TOM1L2: variants seen among roughly 807,000 people sequenced by gnomAD.
The protein encoded by TOM1L2 is target of myb1 like 2 membrane trafficking protein.
A neutral mutation model predicts 67.9 loss-of-function variants in TOM1L2; 31 were observed. The ratio of observed to expected loss-of-function variants is 0.46; its 90% CI spans 0.34 to 0.62. The LOEUF is 0.62. Among genes scored for constraint, TOM1L2 ranks in the 20% least tolerant of loss-of-function variants. The probability of loss-of-function intolerance (pLI) is 0.01; values close to 1 mark genes in which losing one functional copy is unlikely to be tolerated. For synonymous variants in TOM1L2, 256 were observed against 254.0 expected (o/e 1.01, Z -0.07); for missense variants, 606 against 663.5 (o/e 0.91, Z 0.95).
Position 17,850,892 on chromosome 17 carries a change from C to T in TOM1L2, c.1338+1G>A. The T allele has an allele frequency of 1.9e-6, 3 of 1,614,072 alleles. No homozygotes were observed. The highest frequency in any genetic ancestry group is 2.5e-6 in the Non-Finnish European group (3 of 1,179,994). ...GATGAAATAGAAAAGTCGAGTCTCA[C>T]CAGGTCGGTCCTGAGCCACACCTCA... On this transcript the variant is annotated splice_donor_variant, in intron 13 of 14. Transcript: ENST00000379504. LOFTEE classifies it high-confidence loss of function.
chr17:17,933,883 A>G lies in TOM1L2; in HGVS notation c.53-26352T>C, dbSNP rs1313466897. Among the ~76,000 whole-genome samples, 13 of 152,260 alleles carry G rather than the reference A, an allele frequency of 8.5e-5. No homozygotes were observed. The South Asian group carries it at 2.5e-3, about 29-fold the overall frequency. ...TCAAAAGATGATGATCTGCCACCCT[A>G]GACAATATTTAAAGAATGTGACTTG... On this transcript the variant is annotated intron_variant, in intron 1 of 14. Coordinates refer to ENST00000379504, the MANE Select transcript of TOM1L2 (RefSeq NM_001082968.2).
intron 7 of TOM1L2, among the ~76,000 whole-genome samples, chr17:17,879,266 C>CA (rs1171795863): frequency 6.6e-6 from 1 of 152,110 alleles, no homozygotes; most frequent in African/African-American, 2.4e-5. Context: ...AATAAACCTA[C>CA]AAAAAAGTCA....
rs745605701 is a variant in TOM1L2, at chr17:17,869,349, C to A, written c.902G>T (p.Arg301Leu). The A allele has an allele frequency of 1.2e-6, 2 of 1,611,042 alleles. No individual in the cohort carries two copies. The highest frequency in any genetic ancestry group is 1.7e-5 in the Admixed American group (1 of 59,942). The change falls in exon 8 of 15, where the codon CGA becomes CTA. Residue 301 changes from arginine to leucine, a missense_variant. This residue lies in a region of TOM1L2 where 543 missense variants were observed against 554.0 expected (regional missense o/e 0.98). Transcript: ENST00000379504. The stretch of plus-strand genomic sequence containing the variant: ...GAAATCCGGCTCCCACCTCTCGTAT[C>A]GAAGGAAGACGTTGTTGAGGTCATC... ...VNDDLNNVFL[R>L]YERFERYRSG... is the part of the protein sequence containing the mutation.
At chr17:17,935,117 C>T (rs1445060102) in intron 1 of TOM1L2, among the ~76,000 whole-genome samples, 2 of 152,208 alleles carry the variant, frequency 1.3e-5, no homozygotes, top group Non-Finnish European at 2.9e-5. Context: ...GGTACATTCT[C>T]GGCAAACCCT....
chr17:17,880,373 T>A (rs1000594094), intron 6 of TOM1L2, among the ~76,000 whole-genome samples: 6 of 152,148 alleles, frequency 3.9e-5, no homozygotes, highest in Non-Finnish European at 8.8e-5. Flanking sequence ...AAGTTGCCCA[T>A]CAGCGATCCC....
chr17:17,892,996 T>C (rs868117299), intron 4 of TOM1L2, among the ~76,000 whole-genome samples: 1 of 152,108 alleles, frequency 6.6e-6, no homozygotes, highest in Admixed American at 6.5e-5. Flanking sequence ...CAAGCCAGAA[T>C]TGCCCAGCCA....
intron 1 of TOM1L2, among the ~76,000 whole-genome samples, chr17:17,965,917 T>C (rs954540164): frequency 6.6e-6 from 1 of 152,176 alleles, no homozygotes; most frequent in African/African-American, 2.4e-5. Context: ...GGTCAGGAGT[T>C]TGAGACCAAC....
chr17:17,866,976 G>C, intron 8 of TOM1L2, 52 bp from the exon 9 acceptor site: 1 of 1,559,264 alleles, frequency 6.4e-7, no homozygotes, highest in Non-Finnish European at 8.8e-7. Flanking sequence ...CTGTGATATG[G>C]CCCTGTGGGG....
chr17:17,848,917 G>T (rs1484129366), intron 13 of TOM1L2, 58 bp from the exon 14 acceptor site: 11 of 1,596,884 alleles, frequency 6.9e-6, no homozygotes, highest in Non-Finnish European at 9.4e-6. Flanking sequence ...TGCCCGCCCA[G>T]CCACCTCTGT....
intron 12 of TOM1L2, among the ~76,000 whole-genome samples, chr17:17,851,802 G>C (rs1018007565): frequency 3.9e-5 from 6 of 152,220 alleles, no homozygotes; most frequent in African/African-American, 1.4e-4. Flanking sequence ...GCAGCAGCCA[G>C]AGCCAGGGAG....
chr17:17,858,102 CAGG>C (rs1288994766), intron 12 of TOM1L2: 3 of 365,332 alleles, frequency 8.2e-6, no homozygotes, highest in East Asian at 4.8e-5. Flanking sequence ...GGAAAATCTC[CAGG>C]AGATCACAGA....
intron 1 of TOM1L2, among the ~76,000 whole-genome samples, chr17:17,940,061 C>G (rs1370441685): frequency 1.3e-5 from 2 of 151,872 alleles, no homozygotes; most frequent in African/African-American, 2.4e-5. Context: ...GGTGTGGTGG[C>G]GGGTGCCTGT....
chr17:17,925,926 T>C (rs2040065581), intron 1 of TOM1L2, among the ~76,000 whole-genome samples: 1 of 150,854 alleles, frequency 6.6e-6, no homozygotes, highest in Non-Finnish European at 1.5e-5. Context: ...ATCCCAGCAC[T>C]TTGGAAGGCC....
chr17:17,931,145 A>G (rs2040316472), intron 1 of TOM1L2, among the ~76,000 whole-genome samples: 1 of 152,124 alleles, frequency 6.6e-6, no homozygotes, highest in Non-Finnish European at 1.5e-5. Context: ...AGAACTACAC[A>G]TTCAACCAAA....
intron 3 of TOM1L2, among the ~76,000 whole-genome samples, chr17:17,894,953 A>G (rs1568193898): frequency 2.1e-5 from 3 of 145,024 alleles, no homozygotes; most frequent in Non-Finnish European, 1.6e-5. Flanking sequence ...ACATACATAC[A>G]TACATACATA....
chr17:17,861,864 C>T (rs2036576768), intron 11 of TOM1L2: 1 of 267,994 alleles, frequency 3.7e-6, no homozygotes, highest in East Asian at 8.6e-5. Flanking sequence ...TCCAAAGTGC[C>T]CTAATACTCC....
chr17:17,861,002 A>G (rs2036528182), intron 12 of TOM1L2, among the ~76,000 whole-genome samples: 1 of 152,218 alleles, frequency 6.6e-6, no homozygotes, highest in South Asian at 2.1e-4. Context: ...ACAAATGGCC[A>G]TCAGAGATGT....
chr17:17,883,302 T>G (rs1185366316), intron 5 of TOM1L2, among the ~76,000 whole-genome samples: 1 of 152,258 alleles, frequency 6.6e-6, no homozygotes, highest in Non-Finnish European at 1.5e-5. Flanking sequence ...AATTATGCAA[T>G]TTACCAAATG....
intron 1 of TOM1L2, among the ~76,000 whole-genome samples, chr17:17,911,238 T>C (rs566908494): frequency 7.2e-4 from 110 of 152,292 alleles, no homozygotes; most frequent in Middle Eastern, 6.8e-3. Context: ...ATCAGGATGC[T>C]ATGCTGCTCT....
Sources: allele counts gnomAD v4.1 joint callset (sites outside exome capture counted in the v4.1 genomes callset), GRCh38; gene constraint gnomAD v4.1.1; regional missense constraint gnomAD v4.1.1; transcripts MANE v1.5; gene names NCBI Gene and HGNC (gene_info 2026-07-23, HGNC 2026-07-21).